TIPARP: variants seen among roughly 807,000 people sequenced by gnomAD.
TIPARP encodes protein mono-ADP-ribosyltransferase TIPARP.
A neutral mutation model predicts 56.5 loss-of-function variants in TIPARP; 12 were observed. That is an observed-to-expected ratio of 0.21 (90% CI 0.14 to 0.34). The LOEUF is 0.34. Ranked by LOEUF, TIPARP falls within the 10% of genes least tolerant of loss-of-function variation. The pLI is 1.00. For missense variants in TIPARP, 604 were observed against 781.6 expected (o/e 0.77, Z 2.71); for synonymous variants, 296 against 265.7 (o/e 1.11, Z -1.11).
intron 2 of TIPARP, among the ~76,000 whole-genome samples, chr3:156,680,781 A>G (rs1722279591): frequency 6.6e-6 from 1 of 152,202 alleles, no homozygotes; most frequent in Non-Finnish European, 1.5e-5. Context: ...GCATTGTTGT[A>G]TTATGAGGTA....
intron 4 of TIPARP, 140 bp from the exon 5 acceptor site, chr3:156,703,280 AATAG>A: frequency 1.1e-6 from 1 of 882,740 alleles, no homozygotes; most frequent in Non-Finnish European, 1.6e-6. Context: ...TTTTTAATTA[AATAG>A]ATAGCATTTT....
rs778160476 is a variant in TIPARP at position 156,694,014 on chromosome 3, T to G, written c.918-6T>G. The G allele has an allele frequency of 1.3e-6, 2 of 1,575,296 alleles. No individual in the cohort carries two copies. The highest frequency in any genetic ancestry group is 2.2e-5 in the East Asian group (1 of 44,600). On this transcript the variant is annotated splice_polypyrimidine_tract_variant and splice_region_variant and intron_variant, in intron 2 of 5. Transcript: ENST00000295924. ...TTGGGTTTTTTTTGTTTTTGTTTTT[T>G]TTTAGAGGACAAGAATTTTGGGCAG...
intron 3 of TIPARP, among the ~76,000 whole-genome samples, chr3:156,695,542 T>G (rs1427321872): frequency 2.0e-5 from 3 of 152,154 alleles, no homozygotes; most frequent in Middle Eastern, 6.8e-3. Flanking sequence ...TATCTTTAAT[T>G]CCTCTTTTGA....
At position 156,698,614 on chromosome 3, in the gene TIPARP, T is replaced by TA. The variant is rs143039870; in HGVS notation, c.1247+2590dup. Among the ~76,000 whole-genome samples, 72 of 152,284 alleles carry TA rather than the reference T, an allele frequency of 4.7e-4. No individual in the cohort carries two copies. In the East Asian group the frequency reaches 0.013, roughly 27 times the overall value. ...GAGACCTGCTCAAGAAAAAAAGACT[T>TA]ATTTCAAACTATTACTGCTCATTGA... is the stretch of plus-strand genomic sequence containing the variant. On this transcript the variant is annotated intron_variant, in intron 4 of 5. Transcript: ENST00000295924.
Position 156,705,128 on chromosome 3 carries a change from T to C in TIPARP, c.1971T>C (p.Ile657=), listed in dbSNP as rs1722948634. 2 of 1,574,248 alleles carry C rather than the reference T, an allele frequency of 1.3e-6. No individual in the cohort carries two copies. Among genetic ancestry groups the C allele is most frequent in the East Asian group, 4.5e-5 (2 of 44,712 alleles). ...QYEEVSNTVS[I] ...AAGAAGTCAGTAACACTGTTTCCATTTGAAAAATCTTGGTACTGCTAAATT... is the reference window on the plus strand; with the variant it reads ...AAGAAGTCAGTAACACTGTTTCCATCTGAAAAATCTTGGTACTGCTAAATT... Residue 657 remains isoleucine, a synonymous_variant, in exon 6 of 6, where the codon ATT becomes ATC. Coordinates refer to ENST00000295924, the MANE Select transcript of TIPARP (RefSeq NM_015508.5).
intron 2 of TIPARP, chr3:156,681,324 A>G (rs1375482244): frequency 2.7e-6 from 1 of 370,468 alleles, no homozygotes; most frequent in African/African-American, 2.1e-5. Flanking sequence ...AGTTGGAACC[A>G]GCAGTCTTTG....
At position 156,678,409 on chromosome 3, in the gene TIPARP, A is replaced by G. The variant is rs140486151; in HGVS notation, c.712A>G (p.Asn238Asp). 2 of 1,614,080 alleles carry G rather than the reference A, an allele frequency of 1.2e-6. No individual in the cohort carries two copies. The highest frequency in any genetic ancestry group is 2.7e-5 in the African/African-American group (2 of 74,932). ...GTTGCAGTACCACACTCACCAAGAG[A>G]ACGGAATTGAAATTTGCATGGACTT... ...NQLQYHTHQE[N>D]GIEICMDFLQ... Residue 238 changes from asparagine (N) to aspartate (D), a missense_variant, in exon 2 of 6, where the codon AAC becomes GAC. Physicochemically the swap from Asn to Asp is conservative, Grantham distance 23 (BLOSUM62 1). Transcript: ENST00000295924.
intron 2 of TIPARP, among the ~76,000 whole-genome samples, chr3:156,684,466 G>C (rs915802043): frequency 6.6e-6 from 1 of 151,802 alleles, no homozygotes; most frequent in Non-Finnish European, 1.5e-5. Context: ...TTTTTTTTGA[G>C]ACCAAGTTTC....
At chr3:156,695,826 C>CTTTTTTTCTTTT (rs1722698053) in intron 3 of TIPARP, 39 bp from the exon 4 acceptor site, 1 of 900,754 alleles carries the variant, frequency 1.1e-6, no homozygotes, top group African/African-American at 2.3e-5. Context: ...ATTAACTTTC[C>CTTTTTTTCTTTT]TTTTTTTTTT....
At chr3:156,688,467 A>AT (rs1722483999) in intron 2 of TIPARP, among the ~76,000 whole-genome samples, 1 of 131,300 alleles carries the variant, frequency 7.6e-6, no homozygotes, top group Admixed American at 8.7e-5. Flanking sequence ...GCATTTATGA[A>AT]TAAGTTTTAT....
intron 2 of TIPARP, chr3:156,681,180 A>T (rs1722294553): frequency 4.4e-6 from 2 of 456,546 alleles, no homozygotes; most frequent in Non-Finnish European, 8.8e-6. Context: ...AACAAGCTGG[A>T]GCAGCCCAGG....
intron 4 of TIPARP, among the ~76,000 whole-genome samples, chr3:156,701,118 G>GTA (rs1457430566): frequency 6.6e-6 from 1 of 152,208 alleles, no homozygotes; most frequent in Non-Finnish European, 1.5e-5. Context: ...CTTGTTAAAA[G>GTA]TAAGCATCTA....
chr3:156,692,321 A>T (rs1397490892), intron 2 of TIPARP, among the ~76,000 whole-genome samples: 1 of 152,158 alleles, frequency 6.6e-6, no homozygotes, highest in Non-Finnish European at 1.5e-5. Context: ...TAGGCATAGG[A>T]GTTCCAGTTT....
chr3:156,688,427 G>A (rs895503820), intron 2 of TIPARP, among the ~76,000 whole-genome samples: 6 of 147,248 alleles, frequency 4.1e-5, no homozygotes, highest in Non-Finnish European at 9.0e-5. Context: ...AATCTCTGGT[G>A]AGTATTAAAA....
chr3:156,696,532 C>CTCACTAAAATTACTTG (rs1722718030), intron 4 of TIPARP, among the ~76,000 whole-genome samples: 1 of 152,182 alleles, frequency 6.6e-6, no homozygotes, highest in African/African-American at 2.4e-5. Flanking sequence ...TCTTGTGATA[C>CTCACTAAAATTACTTG]TCACTAAAAT....
At chr3:156,684,502 C>T (rs146968361) in intron 2 of TIPARP, among the ~76,000 whole-genome samples, 132 of 152,270 alleles carry the variant, frequency 8.7e-4, no homozygotes, top group African/African-American at 3.0e-3. Flanking sequence ...GGCATAATCT[C>T]GGCTCCTGCA....
intron 4 of TIPARP, among the ~76,000 whole-genome samples, chr3:156,696,812 T>G (rs1200669212): frequency 6.6e-6 from 1 of 152,202 alleles, no homozygotes; most frequent in Admixed American, 6.5e-5. Flanking sequence ...TTGAAAATGG[T>G]ATAGGTTTAC....
intron 3 of TIPARP, among the ~76,000 whole-genome samples, chr3:156,695,296 C>G (rs368321457): frequency 6.6e-6 from 1 of 152,186 alleles, no homozygotes; most frequent in East Asian, 1.9e-4. Context: ...TCACTATAAT[C>G]TTGAACTCCT....
chr3:156,677,635 A>C (rs891816293), intron 1 of TIPARP, 22 bp from the exon 2 acceptor site: 1 of 1,455,922 alleles, frequency 6.9e-7, no homozygotes, highest in African/African-American at 1.4e-5. Flanking sequence ...GTAAATGATC[A>C]TCTTCCTTCC....
Sources: gnomAD v4.1 joint callset for allele counts (sites outside exome capture counted in the v4.1 genomes callset) on GRCh38, gnomAD v4.1.1 for gene constraint, MANE v1.5 for transcripts, NCBI Gene and HGNC (gene_info 2026-07-23, HGNC 2026-07-21) for gene names.